The following TMEM132C variants were observed in gnomAD, a reference collection of about 807,000 sequenced individuals.
TMEM132C encodes the protein protein phosphatase 1, regulatory subunit 152.
A neutral mutation model predicts 61.4 loss-of-function variants in TMEM132C; 29 were observed. The observed-to-expected ratio is 0.47, with a 90% confidence interval of 0.35 to 0.64. The LOEUF (loss-of-function observed/expected upper bound fraction) is 0.64, where lower values mean the gene tolerates loss of function less well. TMEM132C is among the 30% of genes least tolerant of loss of function. The pLI, the probability that TMEM132C is intolerant of heterozygous loss-of-function variation, is 0.00. For missense variants in TMEM132C, 1,408 were observed against 1,476.9 expected (o/e 0.95, Z 0.76); for synonymous variants, 656 against 633.1 (o/e 1.04, Z -0.54).
At chr12:128,287,518 TC>T (rs1871113153) in intron 1 of TMEM132C, among the ~76,000 whole-genome samples, 1 of 151,972 alleles carries the variant, frequency 6.6e-6, no homozygotes, top group African/African-American at 2.4e-5. Flanking sequence ...TATATCTATA[TC>T]TATATCTATC....
intron 2 of TMEM132C, among the ~76,000 whole-genome samples, chr12:128,444,745 T>C (rs1017779380): frequency 1.2e-4 from 19 of 152,226 alleles, no homozygotes; most frequent in African/African-American, 4.3e-4. Flanking sequence ...CAGCAAGTCT[T>C]GCGTGGCCCC....
At chr12:128,438,384 G>A (rs538430567) in intron 2 of TMEM132C, among the ~76,000 whole-genome samples, 1 of 152,232 alleles carries the variant, frequency 6.6e-6, no homozygotes, top group South Asian at 2.1e-4. Context: ...ATTCTCTCAT[G>A]CTTCCTCTCT....
intron 1 of TMEM132C, among the ~76,000 whole-genome samples, chr12:128,301,802 TG>T (rs1459441845): frequency 6.6e-6 from 1 of 152,174 alleles, no homozygotes; most frequent in Non-Finnish European, 1.5e-5. Flanking sequence ...TAGCTGAGAC[TG>T]GGTAATTTAT....
intron 3 of TMEM132C, among the ~76,000 whole-genome samples, chr12:128,614,878 G>A (rs2135582874): frequency 6.6e-6 from 1 of 152,316 alleles, no homozygotes; most frequent in East Asian, 1.9e-4. Context: ...TGATAACACA[G>A]ACGACAAAGG....
intron 1 of TMEM132C, among the ~76,000 whole-genome samples, chr12:128,372,797 T>G (rs980032121): frequency 6.6e-6 from 1 of 152,148 alleles, no homozygotes; most frequent in East Asian, 1.9e-4. Context: ...AGCCAAATTC[T>G]AGGCTTTATC....
intron 5 of TMEM132C, among the ~76,000 whole-genome samples, chr12:128,688,897 G>A (rs1276022302): frequency 2.0e-5 from 3 of 152,102 alleles, no homozygotes; most frequent in Non-Finnish European, 1.5e-5. Flanking sequence ...AGGTTCAAGC[G>A]ATTCTCCTGC....
At chr12:128,604,665 GGATA>G (rs1473769185) in intron 3 of TMEM132C, among the ~76,000 whole-genome samples, 6 of 151,732 alleles carry the variant, frequency 4.0e-5, no homozygotes, top group South Asian at 2.1e-4. Flanking sequence ...TGAAACAAAT[GGATA>G]GATAGATCAT....
At chr12:128,495,199 G>A (rs1330497955) in intron 2 of TMEM132C, among the ~76,000 whole-genome samples, 1 of 151,936 alleles carries the variant, frequency 6.6e-6, no homozygotes, top group Non-Finnish European at 1.5e-5. Context: ...TGGTCTGAGA[G>A]ACAGTTTGTT....
chr12:128,459,269 T>G (rs1870448521), intron 2 of TMEM132C, among the ~76,000 whole-genome samples: 1 of 152,214 alleles, frequency 6.6e-6, no homozygotes, highest in Admixed American at 6.5e-5. Flanking sequence ...GGATCTAAGT[T>G]CCATGAATGT....
intron 2 of TMEM132C, among the ~76,000 whole-genome samples, chr12:128,496,475 A>G (rs541661919): frequency 2.0e-5 from 3 of 152,246 alleles, no homozygotes; most frequent in Non-Finnish European, 4.4e-5. Context: ...TACACCAATC[A>G]GATGTAGATT....
chr12:128,427,839 C>T (rs1460235465), intron 2 of TMEM132C, among the ~76,000 whole-genome samples: 1 of 152,190 alleles, frequency 6.6e-6, no homozygotes, highest in Non-Finnish European at 1.5e-5. Context: ...TGTCATTTTG[C>T]TCTGATATTG....
intron 2 of TMEM132C, among the ~76,000 whole-genome samples, chr12:128,459,884 CAAAAA>C (rs71069569): frequency 1.2e-5 from 1 of 82,186 alleles, no homozygotes; most frequent in East Asian, 3.8e-4. Context: ...GACTCTGTCT[CAAAAA>C]AAAAAAAAAA....
chr12:128,580,428 GAAATA>G (rs968790231), intron 3 of TMEM132C, among the ~76,000 whole-genome samples: 8 of 151,624 alleles, frequency 5.3e-5, no homozygotes, highest in East Asian at 1.9e-4. Context: ...CTCAAAAAAT[GAAATA>G]AAATAAAATA....
chr12:128,357,556 G>C (rs543471641), intron 1 of TMEM132C, among the ~76,000 whole-genome samples: 2 of 152,094 alleles, frequency 1.3e-5, no homozygotes, highest in East Asian at 3.9e-4. Flanking sequence ...TTAGCCAGGT[G>C]TGGTGGCATG....
chr12:128,602,253 G>A (rs932709743), intron 3 of TMEM132C, among the ~76,000 whole-genome samples: 33 of 152,274 alleles, frequency 2.2e-4, no homozygotes, highest in African/African-American at 7.7e-4. Context: ...GCTTACCAAC[G>A]CATGAGTGTA....
At chr12:128,495,305 A>G (rs568136622) in intron 2 of TMEM132C, among the ~76,000 whole-genome samples, 1 of 152,112 alleles carries the variant, frequency 6.6e-6, no homozygotes, top group East Asian at 1.9e-4. Context: ...AGAAGAACGT[A>G]TATTCTGTTG....
chr12:128,429,214 G>T (rs1384283503), intron 2 of TMEM132C, among the ~76,000 whole-genome samples: 1 of 152,260 alleles, frequency 6.6e-6, no homozygotes, highest in East Asian at 1.9e-4. Context: ...ATTGGCGAGG[G>T]AGGTGCTACT....
intron 1 of TMEM132C, among the ~76,000 whole-genome samples, chr12:128,389,443 A>C (rs1252018300): frequency 2.0e-5 from 3 of 152,160 alleles, no homozygotes; most frequent in Non-Finnish European, 4.4e-5. Context: ...GTCAGAGCAC[A>C]TCATCTTTCT....
chr12:128,415,044 C>T lies in TMEM132C; in HGVS notation c.398C>T (p.Ala133Val), dbSNP rs143019705. Residue 133 changes from alanine to valine, a missense_variant, in exon 2 of 9, where the codon GCC becomes GTC. Physicochemically the swap from Ala to Val is moderately conservative, Grantham distance 64. Transcript: ENST00000435159. This position sits in a 1 kb window ranked among gnomAD's most constrained non-coding sequence, Gnocchi z 5.8. ...NKFSFDWKLK[A>V]HILRDKVYLS... ...TTTAGTTTTGATTGGAAACTAAAAG[C>T]CCACATCCTGCGGGACAAAGTCTAC... The T allele has an allele frequency of 1.2e-4, 190 of 1,580,370 alleles. No individual in the cohort carries two copies. The African/African-American group carries it at 2.4e-3, about 20-fold the overall frequency.
Sources: allele counts gnomAD v4.1 joint callset (sites outside exome capture counted in the v4.1 genomes callset), GRCh38; gene constraint gnomAD v4.1.1; non-coding constraint Gnocchi (gnomAD v3.1); transcripts MANE v1.5; gene names NCBI Gene and HGNC (gene_info 2026-07-23, HGNC 2026-07-21).